Variants in KCNH1 observed in about 807,000 individuals in gnomAD.
The protein encoded by KCNH1 is voltage-gated delayed rectifier potassium channel KCNH1.
In KCNH1, 27 loss-of-function variants were observed where a neutral mutation model predicts 69.2. That is an observed-to-expected ratio of 0.39 (90% confidence interval 0.29 to 0.54). KCNH1 has a LOEUF of 0.54. Ranked by LOEUF, KCNH1 falls within the 20% of genes least tolerant of loss-of-function variation. The probability of loss-of-function intolerance (pLI) is 0.68; values close to 1 mark genes in which losing one functional copy is unlikely to be tolerated. For synonymous variants in KCNH1, 456 were observed against 487.7 expected (o/e 0.93, Z 0.86); for missense variants, 798 against 1,261.6 (o/e 0.63, Z 5.57).
intron 7 of KCNH1, among the ~76,000 whole-genome samples, chr1:210,851,491 A>G (rs1574295989): frequency 6.6e-6 from 1 of 152,370 alleles, no homozygotes; most frequent in East Asian, 1.9e-4. Flanking sequence ...TTTGAGAGTC[A>G]CATTACCTCT....
Position 211,091,477 on chromosome 1 carries a change from T to C in KCNH1, c.311-787A>G, listed in dbSNP as rs80247516. On this transcript the variant is annotated intron_variant, in intron 3 of 10. Transcript: ENST00000271751. ...GCCACTGCATCCGGCCCAGAAACTATATTTCTACATCCCTCTCCTTAAAAT... is the reference window on the plus strand; with the variant it reads ...GCCACTGCATCCGGCCCAGAAACTACATTTCTACATCCCTCTCCTTAAAAT... Among the ~76,000 whole-genome samples, 247 of 152,268 alleles carry C rather than the reference T, an allele frequency of 1.6e-3. 5 individuals are homozygous for C. The East Asian group carries it at 0.019, about 12-fold the overall frequency.
At chr1:210,861,349 CTGTTA>C (rs1228276919) in intron 7 of KCNH1, 1 of 784,000 alleles carries the variant, frequency 1.3e-6, no homozygotes, top group Non-Finnish European at 2.4e-6. Flanking sequence ...TCTCGTTGTA[CTGTTA>C]TAACACTTTC....
At chr1:210,708,883 G>A (rs1318403985) in intron 10 of KCNH1, among the ~76,000 whole-genome samples, 1 of 152,182 alleles carries the variant, frequency 6.6e-6, no homozygotes, top group African/African-American at 2.4e-5. Context: ...AGGGCAGGGA[G>A]GACAAGGGTG....
intron 7 of KCNH1, among the ~76,000 whole-genome samples, chr1:210,891,982 T>A (rs535136988): frequency 6.6e-6 from 1 of 152,226 alleles, no homozygotes; most frequent in South Asian, 2.1e-4. Context: ...AAACACCACA[T>A]GTTCTCACTC....
intron 7 of KCNH1, among the ~76,000 whole-genome samples, chr1:210,870,695 C>A (rs1192862005): frequency 1.3e-5 from 2 of 152,146 alleles, no homozygotes; most frequent in African/African-American, 4.8e-5. Context: ...AGTTGAAGAT[C>A]CCAGACAGAG....
At position 210,918,104 on chromosome 1, in the gene KCNH1, G is replaced by A. The variant is rs577862977; in HGVS notation, c.1462+1536C>T. Among the ~76,000 whole-genome samples the A allele has an allele frequency of 1.8e-4, 27 of 152,224 alleles. 1 individual carries two copies. Among genetic ancestry groups the A allele is most frequent in the African/African-American group, 6.0e-4 (25 of 41,546 alleles). On this transcript the variant is annotated intron_variant, in intron 7 of 10. Coordinates refer to ENST00000271751, the MANE Select transcript of KCNH1 (RefSeq NM_172362.3). ...CCTGCAGAGAGGGCTTTTATGAAAG[G>A]ACTCCATCAGACATGATGAGACTGT... is the stretch of plus-strand genomic sequence containing the variant.
At chr1:211,060,400 C>CAAAAAAAAAAAAAAAAAAAAAAAAA (rs60620622) in intron 5 of KCNH1, among the ~76,000 whole-genome samples, 1 of 44,324 alleles carries the variant, frequency 2.3e-5, no homozygotes, top group Non-Finnish European at 3.5e-5. Flanking sequence ...GACTCCGTCT[C>CAAAAAAAAAAAAAAAAAAAAAAAAA]AAAAAAAAAA....
intron 10 of KCNH1, among the ~76,000 whole-genome samples, chr1:210,692,286 C>A (rs35504217): frequency 0.048 from 7,235 of 152,274 alleles, 255 homozygotes; most frequent in Non-Finnish European, 0.073. Context: ...CTGAAAGACT[C>A]CCAGAGATGC....
At chr1:210,800,538 G>A (rs1684407087) in intron 8 of KCNH1, among the ~76,000 whole-genome samples, 1 of 152,224 alleles carries the variant, frequency 6.6e-6, no homozygotes, top group South Asian at 2.1e-4. Flanking sequence ...GGAGAGTACA[G>A]TGTGAGCAGG....
At chr1:210,819,406 T>C (rs1254227090) in intron 7 of KCNH1, among the ~76,000 whole-genome samples, 1 of 152,156 alleles carries the variant, frequency 6.6e-6, no homozygotes, top group African/African-American at 2.4e-5. Flanking sequence ...TTAGGAAGAC[T>C]GGCCAACTGT....
At chr1:210,696,516 C>T (rs1404674109) in intron 10 of KCNH1, among the ~76,000 whole-genome samples, 1 of 152,116 alleles carries the variant, frequency 6.6e-6, no homozygotes, top group African/African-American at 2.4e-5. Context: ...CCGGTTCAAG[C>T]CTAGCAAGGG....
intron 6 of KCNH1, among the ~76,000 whole-genome samples, chr1:210,968,666 G>C (rs28771105): frequency 0.29 from 44,052 of 150,872 alleles, 7,564 homozygotes; most frequent in East Asian, 0.46. Context: ...TAAATGTCTT[G>C]TTTAGAGAAG....
chr1:210,803,878 G>A, intron 8 of KCNH1, 89 bp downstream of exon 8: 2 of 1,151,288 alleles, frequency 1.7e-6, no homozygotes, highest in Non-Finnish European at 2.5e-6. Flanking sequence ...AGCACAGCCA[G>A]GTTTGACATC....
chr1:211,038,207 C>T (rs566173217), intron 5 of KCNH1, among the ~76,000 whole-genome samples: 4 of 152,098 alleles, frequency 2.6e-5, no homozygotes, highest in South Asian at 4.2e-4. Context: ...GTGATCTGCC[C>T]GCCTCAGCCT....
chr1:211,071,108 TAAGG>T (rs1002074537), intron 5 of KCNH1, among the ~76,000 whole-genome samples: 4 of 152,188 alleles, frequency 2.6e-5, no homozygotes, highest in African/African-American at 9.6e-5. Context: ...AACAAAATCA[TAAGG>T]AAGGAAAATA....
chr1:210,947,444 G>A (rs917876914), intron 6 of KCNH1, among the ~76,000 whole-genome samples: 19 of 151,762 alleles, frequency 1.3e-4, no homozygotes, highest in East Asian at 3.9e-4. Flanking sequence ...GCATGGTGGC[G>A]GGCACCTGTA....
chr1:210,866,934 AAAGG>A (rs1358969743), intron 7 of KCNH1, among the ~76,000 whole-genome samples: 1 of 152,156 alleles, frequency 6.6e-6, no homozygotes, highest in East Asian at 1.9e-4. Context: ...TCAGTAATAA[AAAGG>A]AATGAAATAC....
chr1:211,064,881 A>G (rs1237113257), intron 5 of KCNH1, among the ~76,000 whole-genome samples: 1 of 152,252 alleles, frequency 6.6e-6, no homozygotes, highest in Non-Finnish European at 1.5e-5. Flanking sequence ...AGGTACATGA[A>G]AAAATGCTCA....
chr1:210,834,371 C>T (rs1685236724), intron 7 of KCNH1, among the ~76,000 whole-genome samples: 1 of 141,908 alleles, frequency 7.0e-6, no homozygotes. Context: ...AGGATGAGTT[C>T]ATGTCCTTTG....
Sources: gnomAD v4.1 joint callset for allele counts (sites outside exome capture counted in the v4.1 genomes callset) on GRCh38, gnomAD v4.1.1 for gene constraint, MANE v1.5 for transcripts, NCBI Gene and HGNC (gene_info 2026-07-23, HGNC 2026-07-21) for gene names.